LACTBL1: variants seen among roughly 807,000 people sequenced by gnomAD.
The protein encoded by LACTBL1 is beta-lactamase-like protein 1.
A neutral mutation model predicts 39.6 loss-of-function variants in LACTBL1; 29 were observed. That is an observed-to-expected ratio of 0.73 (90% CI 0.55 to 1.00). The LOEUF is 1.00. Ranked by LOEUF, LACTBL1 falls within the 50% of genes least tolerant of loss-of-function variation. The pLI is 0.00. For missense variants in LACTBL1, 711 were observed against 748.5 expected, an observed-to-expected ratio of 0.95 and a Z score of 0.59; for synonymous variants, 361 against 360.7, an observed-to-expected ratio of 1.00 and a Z score of -0.01.
exon 6 of LACTBL1, chr1:22,953,892 G>A (rs1570497241): frequency 5.8e-6 from 9 of 1,550,156 alleles, no homozygotes; most frequent in African/African-American, 5.5e-5. Context: ...CGGGCGTGAG[G>A]TCAAAGCCCG....
intron 3 of LACTBL1, 21 bp downstream of exon 5, chr1:22,959,921 C>A: frequency 6.4e-7 from 1 of 1,551,094 alleles, no homozygotes; most frequent in Non-Finnish European, 8.7e-7. Context: ...TCCACAGGAC[C>A]CTAGAGATCA....
At chr1:22,962,405 C>T (rs574027335) in intron 2 of LACTBL1, among the ~76,000 whole-genome samples, 3 of 152,156 alleles carry the variant, frequency 2.0e-5, no homozygotes, top group Non-Finnish European at 4.4e-5. Context: ...ATGTTTCACT[C>T]ATCTCCATGT....
chr1:22,958,873 A>G, exon 4 of LACTBL1: 1 of 1,550,552 alleles, frequency 6.4e-7, no homozygotes, highest in Non-Finnish European at 8.7e-7. Context: ...CTCCTCCCAC[A>G]GACGGTACAG....
exon 6 of LACTBL1, chr1:22,953,488 G>A (rs1180873810): frequency 2.1e-5 from 26 of 1,230,190 alleles, no homozygotes; most frequent in Non-Finnish European, 2.5e-5. Flanking sequence ...GTAGGCCCGC[G>A]CCACCAGGTC....
chr1:22,953,583 G>A (rs114648887), exon 6 of LACTBL1: 62,493 of 1,255,738 alleles, frequency 0.05, 2,828 homozygotes, highest in Admixed American at 0.2. Context: ...CGGCGTAGCC[G>A]TCCAGATCGC....
chr1:22,965,523 A>G, upstream of LACTBL1: 5 of 515,834 alleles, frequency 9.7e-6, no homozygotes, highest in Non-Finnish European at 1.2e-5. Context: ...CAAGTTAGCC[A>G]GACATCACAA....
intron 1 of LACTBL1, among the ~76,000 whole-genome samples, chr1:22,964,566 G>A (rs1036238872): frequency 1.3e-4 from 20 of 152,226 alleles, no homozygotes; most frequent in African/African-American, 4.3e-4. Flanking sequence ...TTTGTCTGAA[G>A]CCAGTAGGCT....
upstream of LACTBL1, among the ~76,000 whole-genome samples, chr1:22,965,635 T>G (rs1640869420): frequency 6.6e-6 from 1 of 152,134 alleles, no homozygotes; most frequent in South Asian, 2.1e-4. Flanking sequence ...ACCCCTTTGC[T>G]TGCTGTACCT....
At chr1:22,962,747 T>C (rs1425324261) in intron 2 of LACTBL1, among the ~76,000 whole-genome samples, 1 of 152,128 alleles carries the variant, frequency 6.6e-6, no homozygotes, top group Non-Finnish European at 1.5e-5. Flanking sequence ...TCTGGGTGTC[T>C]GCTACTTATT....
chr1:22,955,454 C>T (rs1402991405), intron 4 of LACTBL1, 28 bp from the exon 7 acceptor site: 16 of 1,494,064 alleles, frequency 1.1e-5, no homozygotes, highest in East Asian at 2.5e-5. Context: ...TCAGACTTAC[C>T]GGGCCCGGCT....
intron 1 of LACTBL1, 110 bp downstream of exon 3, chr1:22,965,180 G>A (rs1424264826): frequency 1.5e-5 from 15 of 977,066 alleles, no homozygotes; most frequent in Non-Finnish European, 1.9e-5. Context: ...GAGCTTCTGA[G>A]TCTAAATCTT....
chr1:22,953,407 G>A, exon 6 of LACTBL1: 3 of 1,227,858 alleles, frequency 2.4e-6, no homozygotes, highest in Non-Finnish European at 3.0e-6. Flanking sequence ...GAAGGGGTGC[G>A]CGGTGGGCGG....
chr1:22,963,275 A>T, intron 1 of LACTBL1, 59 bp from the exon 4 acceptor site: 1 of 1,014,762 alleles, frequency 9.9e-7, no homozygotes, highest in Non-Finnish European at 1.3e-6. Flanking sequence ...ATCTAGGGGG[A>T]AAGTGGCAGC....
chr1:22,954,069 C>A, intron 5 of LACTBL1, 45 bp from the exon 8 acceptor site: 4 of 1,469,898 alleles, frequency 2.7e-6, no homozygotes, highest in Non-Finnish European at 3.6e-6. Flanking sequence ...CTTCCTCACC[C>A]GCCCGCGCTG....
chr1:22,959,207 C>T (rs868128254), intron 3 of LACTBL1, among the ~76,000 whole-genome samples: 12 of 152,224 alleles, frequency 7.9e-5, no homozygotes, highest in South Asian at 2.1e-4. Context: ...GTCTCTGCCT[C>T]TCACTGGCCA....
intron 1 of LACTBL1, among the ~76,000 whole-genome samples, chr1:22,963,438 G>A (rs1640847012): frequency 1.3e-5 from 2 of 152,182 alleles, no homozygotes; most frequent in South Asian, 4.1e-4. Context: ...ACAGCTCCTG[G>A]TTGGTGGTCA....
intron 5 of LACTBL1, among the ~76,000 whole-genome samples, chr1:22,955,043 A>C (rs983948999): frequency 6.6e-6 from 1 of 152,260 alleles, no homozygotes; most frequent in African/African-American, 2.4e-5. Flanking sequence ...CACGAGGAGC[A>C]AACCGGGTGT....
At chr1:22,963,385 G>A (rs1047455732) in intron 1 of LACTBL1, among the ~76,000 whole-genome samples, 169 bp from the exon 4 acceptor site, 2 of 152,226 alleles carry the variant, frequency 1.3e-5, no homozygotes, top group Non-Finnish European at 2.9e-5. Context: ...GGGGCCTAGG[G>A]AGCAAAGTGT....
chr1:22,961,222 G>C (rs1213951586), intron 2 of LACTBL1, among the ~76,000 whole-genome samples: 1 of 152,208 alleles, frequency 6.6e-6, no homozygotes, highest in Non-Finnish European at 1.5e-5. Context: ...ATCCTCGTGA[G>C]TCAGTGCTAA....
Sources: allele counts gnomAD v4.1 joint callset (sites outside exome capture counted in the v4.1 genomes callset), GRCh38; gene constraint gnomAD v4.1.1; transcripts MANE v1.5; gene names NCBI Gene and HGNC (gene_info 2026-07-23, HGNC 2026-07-21).